The following ALDH5A1 variants were observed in gnomAD, a reference collection of about 807,000 sequenced individuals.
ALDH5A1 encodes succinate-semialdehyde dehydrogenase, mitochondrial.
A neutral mutation model predicts 54.7 loss-of-function variants in ALDH5A1; 33 were observed. That is an observed-to-expected ratio of 0.60 (90% CI 0.46 to 0.81). The LOEUF is 0.81. Among genes scored for constraint, ALDH5A1 ranks in the 30% least tolerant of loss-of-function variants. The pLI, the probability that ALDH5A1 is intolerant of heterozygous loss-of-function variation, is 0.00. For missense variants in ALDH5A1, 657 were observed against 711.0 expected (o/e 0.92, Z 0.86); for synonymous variants, 294 against 292.7 (o/e 1.00, Z -0.05).
At chr6:24,533,141 T>C (rs888316479) in intron 9 of ALDH5A1, among the ~76,000 whole-genome samples, 47 of 152,150 alleles carry the variant, frequency 3.1e-4, no homozygotes, top group African/African-American at 1.1e-3. Flanking sequence ...TTGAAACTAC[T>C]TGTGGGGGAG....
intron 4 of ALDH5A1, among the ~76,000 whole-genome samples, chr6:24,505,993 T>C (rs1049681691): frequency 1.3e-5 from 2 of 151,456 alleles, no homozygotes; most frequent in Non-Finnish European, 2.9e-5. Flanking sequence ...AACCTCACAC[T>C]CTGATCCTCC....
chr6:24,525,660 A>T (rs952512365), intron 7 of ALDH5A1, among the ~76,000 whole-genome samples: 1 of 152,190 alleles, frequency 6.6e-6, no homozygotes, highest in African/African-American at 2.4e-5. Context: ...GTGAGCAGAG[A>T]TCGCACCAGT....
chr6:24,497,181 C>T (rs545790052), intron 1 of ALDH5A1, among the ~76,000 whole-genome samples: 5 of 152,232 alleles, frequency 3.3e-5, no homozygotes, highest in East Asian at 3.9e-4. Flanking sequence ...AGTGGGTTGT[C>T]GCTGCTGGGT....
intron 9 of ALDH5A1, 104 bp downstream of exon 9, chr6:24,532,281 A>G (rs2127390780): frequency 1.8e-6 from 2 of 1,141,954 alleles, no homozygotes; most frequent in South Asian, 2.6e-5. Flanking sequence ...CAGAAACTTC[A>G]ATGAGGTATG....
rs1361558357 is a variant in ALDH5A1 at position 24,535,230 on chromosome 6, T to G, written c.*1518T>G. ...CCACCTAGGATTTAACATCCCTCAT[T>G]GAGCCACTGGGAAGCTATGGTTGAG... On this transcript the variant is annotated 3_prime_UTR_variant, in exon 10 of 10. Transcript: ENST00000357578. 6.6e-6 allele frequency: 1 copy of G among 152,200 alleles called. No homozygotes were observed. Among genetic ancestry groups the G allele is most frequent in the Non-Finnish European group, 1.5e-5 (1 of 68,072 alleles). 9.4% of individuals were successfully genotyped at this position (152,200 alleles called of 1,614,324 possible).
rs1041972039 is a variant in ALDH5A1 at position 24,495,453 on chromosome 6, G to A, written c.354+103G>A. On this transcript the variant is annotated intron_variant, in intron 1 of 9. Transcript: ENST00000357578. ...ACACCAGCCGCGTCGCCTCCCTCCT[G>A]TGCTCAGTTCCCCAGGGTATACAAA... 9.5e-6 allele frequency: 11 copies of A among 1,157,346 alleles called. No homozygotes were observed. The African/African-American group carries it at 1.4e-4, about 15-fold the overall frequency. 71.7% of individuals were successfully genotyped at this position (1,157,346 alleles called of 1,614,324 possible). A position where few individuals can be genotyped will look rare whatever the true frequency, so the allele number is the denominator to read the frequency against.
chr6:24,498,613 A>G (rs1164771147), intron 1 of ALDH5A1, among the ~76,000 whole-genome samples: 1 of 152,180 alleles, frequency 6.6e-6, no homozygotes, highest in Non-Finnish European at 1.5e-5. Context: ...CATTACAGTG[A>G]TGTCAGCTTC....
rs1759721757 is a variant in ALDH5A1 at position 24,522,805 on chromosome 6, C to A, written c.1053C>A (p.Gly351=). ...CAAACCAATTCTTGGTGCAAAGGGGCATCCATGATGCCTTTGTAAAAGCAT... is the reference window on the plus strand; with the variant it reads ...CAAACCAATTCTTGGTGCAAAGGGGAATCCATGATGCCTTTGTAAAAGCAT... The part of the protein sequence containing the change: ...VCSNQFLVQR[G]IHDAFVKAFA... Residue 351 remains glycine, a synonymous_variant, in exon 7 of 10, where the codon GGC becomes GGA. Coordinates refer to ENST00000357578, the MANE Select transcript of ALDH5A1 (RefSeq NM_001080.3). 1 of 1,614,064 alleles carries A rather than the reference C, an allele frequency of 6.2e-7. No homozygotes were observed. The highest frequency in any genetic ancestry group is 1.7e-5 in the Admixed American group (1 of 60,006).
chr6:24,515,381 T>C (rs1166822754), intron 5 of ALDH5A1, 71 bp downstream of exon 5: 2 of 1,543,654 alleles, frequency 1.3e-6, no homozygotes, highest in Non-Finnish European at 8.9e-7. Context: ...ATAAAAATAC[T>C]ATTTCATCCT....
intron 1 of ALDH5A1, among the ~76,000 whole-genome samples, chr6:24,498,574 C>T (rs1309372984): frequency 2.0e-5 from 3 of 152,202 alleles, no homozygotes; most frequent in Non-Finnish European, 4.4e-5. Context: ...CAGATCACAC[C>T]GCCCATCCTA....
chr6:24,527,680 C>T (rs1292174029), intron 7 of ALDH5A1, among the ~76,000 whole-genome samples: 1 of 152,086 alleles, frequency 6.6e-6, no homozygotes, highest in African/African-American at 2.4e-5. Context: ...TAGAAATAAC[C>T]GCAGAATGCA....
At chr6:24,528,699 ACT>A (rs1480804332) in intron 8 of ALDH5A1, among the ~76,000 whole-genome samples, 14 of 138,044 alleles carry the variant, frequency 1.0e-4, no homozygotes, top group African/African-American at 2.7e-4. Flanking sequence ...TTTCTGCTGA[ACT>A]CTTTTTTTTT....
chr6:24,499,974 T>TTTTGTG (rs1332053445), intron 1 of ALDH5A1, among the ~76,000 whole-genome samples: 1 of 123,720 alleles, frequency 8.1e-6, no homozygotes, highest in African/African-American at 3.2e-5. Context: ...CTCAGATAAT[T>TTTTGTG]TCTGTGTGTG....
Position 24,520,569 on chromosome 6 carries a change from A to G in ALDH5A1, c.1014+25A>G, listed in dbSNP as rs1013662759. ...GGTGAGTCCTGGAGAGTATTTCAGG[A>G]TGTGTGTTTGCGTGTGCATGTGTGA... On this transcript the variant is annotated intron_variant, in intron 6 of 9. Transcript: ENST00000357578. 19 of 1,612,984 alleles carry G rather than the reference A, an allele frequency of 1.2e-5. No homozygotes were observed. The East Asian group carries it at 1.8e-4, about 15-fold the overall frequency.
intron 4 of ALDH5A1, among the ~76,000 whole-genome samples, chr6:24,506,273 T>TTTTTTTG (rs1390825941): frequency 2.9e-5 from 3 of 105,022 alleles, no homozygotes; most frequent in African/African-American, 4.1e-5. Flanking sequence ...TTTTTTTTTT[T>TTTTTTTG]GAGACAGTCT....
At position 24,515,269 on chromosome 6, in the gene ALDH5A1, G is replaced by C. The variant is rs1240445650; in HGVS notation, c.829G>C (p.Val277Leu). 6.2e-7 allele frequency: 1 copy of C among 1,613,824 alleles called. No individual in the cohort carries two copies. The highest frequency in any genetic ancestry group is 1.1e-5 in the South Asian group (1 of 91,082). ...GGAGGCAATTTGTACTGATCCTCTG[G>C]TGTCCAAAATTTCCTTTACTGGTTC... ...VGEAICTDPL[V>L]SKISFTGSTT... Residue 277 changes from valine to leucine, a missense_variant, in exon 5 of 10, where the codon GTG becomes CTG. Around this residue, in one of 2 missense-constraint regions of ALDH5A1, gnomAD observed 425 missense variants for 516.4 expected, o/e 0.82. Transcript: ENST00000357578.
intron 1 of ALDH5A1, among the ~76,000 whole-genome samples, chr6:24,498,614 T>C (rs1380139064): frequency 2.6e-5 from 4 of 152,234 alleles, no homozygotes; most frequent in African/African-American, 9.6e-5. Context: ...ATTACAGTGA[T>C]GTCAGCTTCC....
chr6:24,525,209 G>C (rs953415944), intron 7 of ALDH5A1, among the ~76,000 whole-genome samples: 7 of 152,290 alleles, frequency 4.6e-5, no homozygotes, highest in African/African-American at 1.7e-4. Context: ...ATTTGGGGAG[G>C]AAGGGGGTAT....
intron 1 of ALDH5A1, among the ~76,000 whole-genome samples, chr6:24,499,909 T>TA (rs1190427867): frequency 6.6e-6 from 1 of 152,160 alleles, no homozygotes; most frequent in East Asian, 1.9e-4. Flanking sequence ...TCCGCCCGCC[T>TA]CGGCCTCCCG....
Sources: allele counts gnomAD v4.1 joint callset (sites outside exome capture counted in the v4.1 genomes callset), GRCh38; gene constraint gnomAD v4.1.1; regional missense constraint gnomAD v4.1.1; transcripts MANE v1.5; gene names NCBI Gene and HGNC (gene_info 2026-07-23, HGNC 2026-07-21).